The following CNPY1 variants were observed in gnomAD, a reference collection of about 807,000 sequenced individuals.
CNPY1 encodes the protein protein canopy homolog 1.
Under a neutral mutation model 14.4 loss-of-function variants are expected in CNPY1, and 14 were observed. That is an observed-to-expected ratio of 0.97 (90% CI 0.64 to 1.52). The LOEUF (loss-of-function observed/expected upper bound fraction) is 1.52, where lower values mean the gene tolerates loss of function less well. CNPY1 is among the 40% of genes most tolerant of loss of function. CNPY1 has a pLI of 0.00. For missense variants in CNPY1, 129 were observed against 131.5 expected (o/e 0.98, Z 0.09); for synonymous variants, 43 against 46.5 (o/e 0.92, Z 0.31).
chr7:155,528,829 G>GGCGA, intron 2 of CNPY1, among the ~76,000 whole-genome samples: 1 of 152,310 alleles, frequency 6.6e-6, no homozygotes, highest in East Asian at 1.9e-4. Context: ...GGGAGGCCAA[G>GGCGA]GTGGGCAGAT....
chr7:155,534,307 GCACA>G (rs1005593885), intron 2 of CNPY1, among the ~76,000 whole-genome samples: 1 of 151,756 alleles, frequency 6.6e-6, no homozygotes, highest in African/African-American at 2.4e-5. Context: ...ACACGTGCAT[GCACA>G]CACACACATG....
chr7:155,514,724 G>A (rs1477200513), intron 2 of CNPY1, among the ~76,000 whole-genome samples: 3 of 151,952 alleles, frequency 2.0e-5, no homozygotes, highest in Non-Finnish European at 2.9e-5. Flanking sequence ...GAGAGACCCG[G>A]TCTCTACTAA....
intron 2 of CNPY1, among the ~76,000 whole-genome samples, chr7:155,513,225 A>C (rs1796560383): frequency 6.6e-6 from 1 of 152,262 alleles, no homozygotes; most frequent in Non-Finnish European, 1.5e-5. Context: ...TCGATGAGGA[A>C]TAATAAAGGC....
At chr7:155,509,888 G>A (rs1796479892) in intron 2 of CNPY1, among the ~76,000 whole-genome samples, 1 of 152,224 alleles carries the variant, frequency 6.6e-6, no homozygotes, top group African/African-American at 2.4e-5. Flanking sequence ...CCTCGCCCTT[G>A]GTAACGGAGA....
intron 2 of CNPY1, among the ~76,000 whole-genome samples, chr7:155,529,939 C>G (rs562346141): frequency 6.6e-6 from 1 of 152,030 alleles, no homozygotes; most frequent in East Asian, 1.9e-4. Context: ...CCTGCCACCA[C>G]GCCCAGCTAA....
chr7:155,516,780 T>C (rs1199900107), intron 2 of CNPY1, among the ~76,000 whole-genome samples: 1 of 152,072 alleles, frequency 6.6e-6, no homozygotes, highest in African/African-American at 2.4e-5. Flanking sequence ...AGGGTGACAC[T>C]CGGGCCATTC....
chr7:155,539,672 A>G (rs909903473), intron 2 of CNPY1, among the ~76,000 whole-genome samples: 3 of 152,220 alleles, frequency 2.0e-5, no homozygotes, highest in African/African-American at 7.2e-5. Context: ...GAAATGACTG[A>G]AAAACAGATT....
At chr7:155,504,689 A>ACACACACACACACACAC (rs1274638625) in intron 4 of CNPY1, among the ~76,000 whole-genome samples, 1 of 145,198 alleles carries the variant, frequency 6.9e-6, no homozygotes, top group African/African-American at 2.6e-5. Context: ...CATACCCCCC[A>ACACACACACACACACAC]ACACACACAC....
chr7:155,528,403 C>T (rs867402956), intron 2 of CNPY1, among the ~76,000 whole-genome samples: 2 of 152,238 alleles, frequency 1.3e-5, no homozygotes, highest in East Asian at 1.9e-4. Context: ...TGCCAGCTCT[C>T]GGTCATTGTC....
At chr7:155,515,525 G>A (rs1197555660) in intron 2 of CNPY1, among the ~76,000 whole-genome samples, 1 of 152,190 alleles carries the variant, frequency 6.6e-6, no homozygotes, top group Admixed American at 6.5e-5. Context: ...GGGTGTCTGT[G>A]CATCCCAGAT....
chr7:155,526,726 C>T (rs796942092), intron 2 of CNPY1, among the ~76,000 whole-genome samples: 61 of 152,300 alleles, frequency 4.0e-4, no homozygotes, highest in African/African-American at 1.4e-3. Flanking sequence ...TATTACCCAG[C>T]GCTGGCAATA....
Position 155,503,027 on chromosome 7 carries a change from G to A in CNPY1, c.*41C>T. 1.3e-6 allele frequency: 2 copies of A among 1,578,310 alleles called. No homozygotes were observed. The highest frequency in any genetic ancestry group is 1.7e-6 in the Non-Finnish European group (2 of 1,154,776). ...ATAAAATGCAGACATTGACCTTTGG[G>A]TGTGACTTTACTCCTCTCTACGACC... On this transcript the variant is annotated 3_prime_UTR_variant, in exon 5 of 5. Transcript: ENST00000636446.
In CNPY1 at chr7:155,530,523, G is replaced by A. The variant is rs188735454; in HGVS notation, c.99+15308C>T. Among the ~76,000 whole-genome samples the A allele has an allele frequency of 4.3e-3, 654 of 152,122 alleles. 10 individuals are homozygous for A. Among genetic ancestry groups the A allele is most frequent in the African/African-American group, 0.015 (630 of 41,494 alleles). ...TTTTAACAAAGTTTTTTACAAATGG[G>A]ATCTTGCTATGTTGCCCAGGGGTCT... On this transcript the variant is annotated intron_variant, in intron 2 of 4. Transcript: ENST00000636446.
At chr7:155,526,845 A>T (rs1177105520) in intron 2 of CNPY1, among the ~76,000 whole-genome samples, 1 of 152,004 alleles carries the variant, frequency 6.6e-6, no homozygotes, top group Non-Finnish European at 1.5e-5. Context: ...CCTACCTTTG[A>T]CCCCTGCCTT....
intron 2 of CNPY1, among the ~76,000 whole-genome samples, chr7:155,518,159 C>G (rs991410412): frequency 6.6e-6 from 1 of 152,166 alleles, no homozygotes; most frequent in African/African-American, 2.4e-5. Context: ...GTGGCCAGAT[C>G]CACAGTGCTC....
At chr7:155,531,577 C>T (rs763244189) in intron 2 of CNPY1, among the ~76,000 whole-genome samples, 1 of 152,170 alleles carries the variant, frequency 6.6e-6, no homozygotes, top group African/African-American at 2.4e-5. Context: ...CTTAGGATAT[C>T]GGCACTTCCC....
chr7:155,525,887 G>A lies in CNPY1; in HGVS notation c.100-16790C>T, dbSNP rs534858558. Among the ~76,000 whole-genome samples the A allele has an allele frequency of 3.9e-5, 6 of 152,218 alleles. No individual in the cohort carries two copies. In the East Asian group the frequency reaches 5.8e-4, roughly 15 times the overall value. On this transcript the variant is annotated intron_variant, in intron 2 of 4. Transcript: ENST00000636446. ...GACATTGTATCACTTTCCTAGAGTC[G>A]TCACAAAATATCAGAAATAGTCCCC...
intron 2 of CNPY1, among the ~76,000 whole-genome samples, chr7:155,511,507 A>G (rs1434848063): frequency 6.6e-6 from 1 of 152,124 alleles, no homozygotes; most frequent in African/African-American, 2.4e-5. Flanking sequence ...TCTACCTACC[A>G]GTGGATTGTT....
rs1276507541 is a variant in CNPY1 at position 155,501,750 on chromosome 7, G to A, written c.*1318C>T. On this transcript the variant is annotated 3_prime_UTR_variant, in exon 5 of 5. Transcript: ENST00000636446. ...TGCGAGTTCGCTGGGTTATGTAGGA[G>A]CCATCAGACTTAAGCAGCCACAGAC... The A allele has an allele frequency of 2.0e-5, 3 of 152,156 alleles. No homozygotes were observed. The highest frequency in any genetic ancestry group is 4.4e-5 in the Non-Finnish European group (3 of 68,038). 9.4% of individuals were successfully genotyped at this position (152,156 alleles called of 1,614,324 possible). A position where few individuals can be genotyped will look rare whatever the true frequency, so the allele number is the denominator to read the frequency against.
Sources: allele counts gnomAD v4.1 joint callset (sites outside exome capture counted in the v4.1 genomes callset), GRCh38; gene constraint gnomAD v4.1.1; transcripts MANE v1.5; gene names NCBI Gene and HGNC (gene_info 2026-07-23, HGNC 2026-07-21).